PDE4D: variants seen among roughly 807,000 people sequenced by gnomAD.
PDE4D encodes the protein phosphodiesterase 4D, also known as 3',5'-cyclic-AMP phosphodiesterase 4D.
PDE4D carries 24 observed loss-of-function variants against 87.4 expected under a neutral mutation model. The observed-to-expected ratio is 0.27, with a 90% confidence interval of 0.20 to 0.39. PDE4D has a LOEUF of 0.39. Among genes scored for constraint, PDE4D ranks in the 10% least tolerant of loss-of-function variants. The pLI is 1.00. For missense variants in PDE4D, 714 were observed against 1,041.0 expected (o/e 0.69, Z 4.32); for synonymous variants, 384 against 383.2 (o/e 1.00, Z -0.02).
intron 1 of PDE4D, among the ~76,000 whole-genome samples, chr5:59,708,698 T>C (rs1340330270): frequency 6.6e-6 from 1 of 152,162 alleles, no homozygotes; most frequent in Non-Finnish European, 1.5e-5. Flanking sequence ...TAGACTATGA[T>C]ATTCACCAAA....
chr5:59,690,899 A>C (rs973784329), intron 1 of PDE4D, among the ~76,000 whole-genome samples: 1 of 152,224 alleles, frequency 6.6e-6, no homozygotes, highest in East Asian at 1.9e-4. Flanking sequence ...CACATCAAAA[A>C]GTGGGCAAAG....
chr5:59,683,871 T>C (rs1232793029), intron 1 of PDE4D, among the ~76,000 whole-genome samples: 3 of 152,194 alleles, frequency 2.0e-5, no homozygotes, highest in Non-Finnish European at 4.4e-5. Context: ...ATTTTTGTCA[T>C]TCAGCCTGGC....
intron 3 of PDE4D, among the ~76,000 whole-genome samples, chr5:59,966,892 C>T (rs151231524): frequency 1.7e-4 from 26 of 152,304 alleles, no homozygotes; most frequent in African/African-American, 6.3e-4. Flanking sequence ...CAGATTTTCA[C>T]TGTATTTAAG....
chr5:60,259,938 G>A (rs145218123), intron 1 of PDE4D, among the ~76,000 whole-genome samples: 106 of 151,898 alleles, frequency 7.0e-4, no homozygotes, highest in African/African-American at 2.3e-3. Flanking sequence ...AAGGGTTAGC[G>A]GCACTAAAGC....
At chr5:59,372,522 A>C (rs1784082441) in intron 1 of PDE4D, among the ~76,000 whole-genome samples, 1 of 152,214 alleles carries the variant, frequency 6.6e-6, no homozygotes, top group Admixed American at 6.5e-5. Context: ...CAGTTCATCA[A>C]ATTATTTGAA....
At chr5:60,433,961 A>G (rs776067412) in intron 1 of PDE4D, among the ~76,000 whole-genome samples, 23 of 152,120 alleles carry the variant, frequency 1.5e-4, no homozygotes, top group Admixed American at 2.6e-4. Flanking sequence ...AGAAGACTAC[A>G]TATTGGGTAC....
intron 1 of PDE4D, among the ~76,000 whole-genome samples, chr5:59,787,044 A>AATAAAAT (rs1159009347): frequency 6.6e-5 from 10 of 152,216 alleles, no homozygotes; most frequent in Non-Finnish European, 1.5e-4. Context: ...GTGCTTTATT[A>AATAAAAT]ATAAAATATT....
chr5:59,628,250 TG>T (rs1430338828), intron 1 of PDE4D, among the ~76,000 whole-genome samples: 1 of 152,106 alleles, frequency 6.6e-6, no homozygotes, highest in Non-Finnish European at 1.5e-5. Flanking sequence ...GGGAGCTGTG[TG>T]GTGTCATGAG....
At chr5:59,604,698 T>C (rs1312428287) in intron 1 of PDE4D, among the ~76,000 whole-genome samples, 1 of 151,810 alleles carries the variant, frequency 6.6e-6, no homozygotes, top group Non-Finnish European at 1.5e-5. Context: ...CAAAAATAAA[T>C]CAAACTACAA....
chr5:59,304,683 T>C (rs1770951023), intron 1 of PDE4D, among the ~76,000 whole-genome samples: 1 of 152,216 alleles, frequency 6.6e-6, no homozygotes, highest in Admixed American at 6.5e-5. Flanking sequence ...ATTCTGTTTA[T>C]GTGGTGTATC....
At chr5:59,019,662 T>C (rs1397930920) in intron 6 of PDE4D, among the ~76,000 whole-genome samples, 1 of 152,206 alleles carries the variant, frequency 6.6e-6, no homozygotes, top group African/African-American at 2.4e-5. Flanking sequence ...ACCTCTTCCC[T>C]ATTAGATGCC....
At chr5:60,159,390 G>A (rs1242860460) in intron 2 of PDE4D, among the ~76,000 whole-genome samples, 2 of 151,382 alleles carry the variant, frequency 1.3e-5, no homozygotes, top group Non-Finnish European at 2.9e-5. Flanking sequence ...AATCAGGGAC[G>A]TAATCTATTA....
intron 2 of PDE4D, among the ~76,000 whole-genome samples, chr5:60,158,687 A>G (rs1782205698): frequency 6.6e-6 from 1 of 152,126 alleles, no homozygotes; most frequent in Non-Finnish European, 1.5e-5. Flanking sequence ...CTCAGCCTTC[A>G]GAGCAGCTGG....
chr5:60,112,545 G>A (rs1777782523), intron 2 of PDE4D, among the ~76,000 whole-genome samples: 1 of 151,984 alleles, frequency 6.6e-6, no homozygotes, highest in Non-Finnish European at 1.5e-5. Context: ...ATTTTATTGG[G>A]TATTCTACTT....
chr5:59,680,699 T>C (rs1748858005), intron 1 of PDE4D, among the ~76,000 whole-genome samples: 1 of 152,136 alleles, frequency 6.6e-6, no homozygotes, highest in South Asian at 2.1e-4. Context: ...ACTTCTCTTT[T>C]TCCATAGAGG....
At chr5:59,175,788 T>A (rs1195452622) in intron 5 of PDE4D, among the ~76,000 whole-genome samples, 1 of 85,262 alleles carries the variant, frequency 1.2e-5, no homozygotes, top group Non-Finnish European at 2.5e-5. Flanking sequence ...TCCATTTTTT[T>A]TTTTTTTTTT....
intron 1 of PDE4D, among the ~76,000 whole-genome samples, chr5:60,257,242 AAGAAAGAAAG>A (rs1284754821): frequency 2.0e-5 from 3 of 149,878 alleles, no homozygotes; most frequent in East Asian, 2.0e-4. Context: ...GAAAGAAAGA[AAGAAAGAAAG>A]AAAAGAAAAG....
At chr5:60,012,173 T>C (rs1355462585) in intron 2 of PDE4D, among the ~76,000 whole-genome samples, 2 of 152,190 alleles carry the variant, frequency 1.3e-5, no homozygotes, top group Non-Finnish European at 1.5e-5. Flanking sequence ...CTAAGATACA[T>C]TCATAATTGA....
intron 1 of PDE4D, among the ~76,000 whole-genome samples, chr5:59,324,593 A>G (rs2153573143): frequency 6.6e-6 from 1 of 152,258 alleles, no homozygotes; most frequent in South Asian, 2.1e-4. Context: ...CTGACTGGCC[A>G]TAGTTATCTG....
Sources: allele counts gnomAD v4.1 joint callset (sites outside exome capture counted in the v4.1 genomes callset), GRCh38; gene constraint gnomAD v4.1.1; transcripts MANE v1.5; gene names NCBI Gene and HGNC (gene_info 2026-07-23, HGNC 2026-07-21).